TSPEAR: variants seen among roughly 807,000 people sequenced by gnomAD.
TSPEAR encodes the protein thrombospondin type laminin G domain and EAR repeats, also known as thrombospondin-type laminin G domain and EAR repeat-containing protein.
In TSPEAR, 69 loss-of-function variants were observed where a neutral mutation model predicts 71.6. That is an observed-to-expected ratio of 0.96 (90% confidence interval 0.79 to 1.18). The LOEUF (loss-of-function observed/expected upper bound fraction) is 1.18, where lower values mean the gene tolerates loss of function less well. Ranked by LOEUF, TSPEAR falls within the 50% of genes most tolerant of loss-of-function variation. The probability of loss-of-function intolerance (pLI) is 0.00; values close to 1 mark genes in which losing one functional copy is unlikely to be tolerated. For missense variants in TSPEAR, 971 were observed against 894.9 expected, an observed-to-expected ratio of 1.09 and a Z score of -1.09; for synonymous variants, 402 against 387.2, an observed-to-expected ratio of 1.04 and a Z score of -0.45.
intron 1 of TSPEAR, among the ~76,000 whole-genome samples, chr21:44,701,375 G>GT: frequency 6.6e-6 from 1 of 152,246 alleles, no homozygotes; most frequent in East Asian, 1.9e-4. Context: ...CCAGGGACCA[G>GT]TTTTGTGGTA....
In TSPEAR at chr21:44,588,712, TGATA is replaced by T. The variant is rs1235458964; in HGVS notation, c.83-20711_83-20708del. ...TATTTATATATTTATATATATAAAC[TGATA>T]TATATGTGTGTGTATATATGTATAT... On this transcript the variant is annotated intron_variant, in intron 1 of 11. Transcript: ENST00000323084. 4.1e-5 allele frequency among the ~76,000 whole-genome samples: 6 copies of T among 145,314 alleles called. No individual in the cohort carries two copies. In the East Asian group the frequency reaches 9.8e-4, roughly 24 times the overall value.
In TSPEAR at chr21:44,599,738, G is replaced by GAAATGGAGACTTAGATCA. The variant is rs1280594523; in HGVS notation, c.83-31751_83-31734dup. The stretch of plus-strand genomic sequence containing the variant: ...GGCCAATTGGATATTATTTGCAGAA[G>GAAATGGAGACTTAGATCA]AAATGGAGACTTAGATCAGATGTCT... On this transcript the variant is annotated intron_variant, in intron 1 of 11. Transcript: ENST00000323084. Among the ~76,000 whole-genome samples the GAAATGGAGACTTAGATCA allele has an allele frequency of 1.6e-4, 25 of 152,368 alleles. No individual in the cohort carries two copies. The East Asian group carries it at 3.1e-3, about 19-fold the overall frequency.
rs587686184 is a variant in TSPEAR at position 44,523,975 on chromosome 21, G to T, written c.1336+1678C>A. ...GTCAGTCAGTTCAGTAGTTAGTCAG[G>T]TAGCCAGTCATCAGTCAGGTAGTCA... On this transcript the variant is annotated intron_variant, in intron 8 of 11. Coordinates refer to ENST00000323084, the MANE Select transcript of TSPEAR (RefSeq NM_144991.3). Among the ~76,000 whole-genome samples, 867 of 150,118 alleles carry T rather than the reference G, an allele frequency of 5.8e-3. 15 individuals are homozygous for T. Among genetic ancestry groups the T allele is most frequent in the African/African-American group, 0.02 (836 of 40,838 alleles).
In TSPEAR at chr21:44,580,367, G is replaced by A. The variant is rs374095335; in HGVS notation, c.83-12362C>T. The stretch of plus-strand genomic sequence containing the variant: ...GCAGCAAGCCGGCTGGCAGCACGAG[G>A]GCGTGCAGGAGCTGGTGCAGCCTGA... On this transcript the variant is annotated intron_variant, in intron 1 of 11. Transcript: ENST00000323084. The A allele has an allele frequency of 2.8e-4, 445 of 1,613,518 alleles. No homozygotes were observed. Among genetic ancestry groups the A allele is most frequent in the Non-Finnish European group, 3.6e-4 (427 of 1,179,922 alleles).
chr21:44,681,046 G>T (rs534208162), intron 1 of TSPEAR, among the ~76,000 whole-genome samples: 1 of 152,332 alleles, frequency 6.6e-6, no homozygotes, highest in Admixed American at 6.5e-5. Context: ...TAGACAAGGT[G>T]ATGAATATCC....
chr21:44,566,661 T>C (rs1162187820), intron 2 of TSPEAR, among the ~76,000 whole-genome samples: 2 of 152,128 alleles, frequency 1.3e-5, no homozygotes, highest in Non-Finnish European at 2.9e-5. Flanking sequence ...AATATATAAA[T>C]AGACAAATGA....
chr21:44,652,361 G>A (rs1984859064), intron 1 of TSPEAR, among the ~76,000 whole-genome samples: 1 of 152,136 alleles, frequency 6.6e-6, no homozygotes, highest in Non-Finnish European at 1.5e-5. Context: ...GACTGCTCAG[G>A]GACGTCTGGA....
At chr21:44,624,001 C>T (rs782689627) in intron 1 of TSPEAR, among the ~76,000 whole-genome samples, 8 of 152,144 alleles carry the variant, frequency 5.3e-5, no homozygotes, top group Non-Finnish European at 1.0e-4. Context: ...TTTTACTACC[C>T]TTATTTTACT....
intron 1 of TSPEAR, among the ~76,000 whole-genome samples, chr21:44,640,863 G>A (rs1983983577): frequency 6.6e-6 from 1 of 152,208 alleles, no homozygotes; most frequent in South Asian, 2.1e-4. Flanking sequence ...TTTAACTGAT[G>A]GGTCGAGTTC....
intron 1 of TSPEAR, chr21:44,601,154 G>T (rs782680067): frequency 2.1e-5 from 33 of 1,602,616 alleles, no homozygotes; most frequent in Non-Finnish European, 2.5e-5. Context: ...CAGTCTAGCT[G>T]TGTGAGCTGT....
chr21:44,628,117 C>G (rs1315663681), intron 1 of TSPEAR: 1 of 1,550,316 alleles, frequency 6.5e-7, no homozygotes, highest in African/African-American at 1.4e-5. Flanking sequence ...GACCTCCCAG[C>G]CCACCCAGCC....
intron 9 of TSPEAR, 98 bp downstream of exon 9, chr21:44,521,785 C>A: frequency 8.3e-7 from 1 of 1,204,300 alleles, no homozygotes; most frequent in East Asian, 2.4e-5. Context: ...AGGTTTGGCT[C>A]TCGGTGGACC....
chr21:44,634,244 C>T (rs587697579), intron 1 of TSPEAR, among the ~76,000 whole-genome samples: 1 of 152,074 alleles, frequency 6.6e-6, no homozygotes, highest in African/African-American at 2.4e-5. Context: ...CTGAGCAATA[C>T]CCTGTCTCTG....
Position 44,711,146 on chromosome 21 carries a change from G to T in TSPEAR, c.82+287C>A, listed in dbSNP as rs1569274081. ...CGGGAGGCCCAGCAGGTAAGCACTT[G>T]TGGAGGCCCCGGTGGCTGCTGGTTA... On this transcript the variant is annotated intron_variant, in intron 1 of 11. Coordinates refer to ENST00000323084, the MANE Select transcript of TSPEAR (RefSeq NM_144991.3). The surrounding 1 kb of genome is among the most constrained non-coding windows in gnomAD (Gnocchi z 4.5). 6.6e-6 allele frequency among the ~76,000 whole-genome samples: 1 copy of T among 152,212 alleles called. No homozygotes were observed. The highest frequency in any genetic ancestry group is 1.5e-5 in the Non-Finnish European group (1 of 68,042).
chr21:44,514,373 CGTGTGCATGA>C lies in TSPEAR; in HGVS notation c.1567-4997_1567-4988del, dbSNP rs780215327. 2.1e-4 allele frequency among the ~76,000 whole-genome samples: 32 copies of C among 152,286 alleles called. 1 individual carries two copies. The highest frequency in any genetic ancestry group is 1.2e-3 in the South Asian group (6 of 4,828). On this transcript the variant is annotated intron_variant, in intron 9 of 11. Coordinates refer to ENST00000323084, the MANE Select transcript of TSPEAR (RefSeq NM_144991.3). ...ATGGCCATGGAAGCGAGTACACACA[CGTGTGCATGA>C]GTGTGCATGTACATGTGTGTTGAGC...
rs192361626 is a variant in TSPEAR at position 44,562,016 on chromosome 21, G to A, written c.303+5769C>T. On this transcript the variant is annotated intron_variant, in intron 2 of 11. Coordinates refer to ENST00000323084, the MANE Select transcript of TSPEAR (RefSeq NM_144991.3). ...CAATAGAAAGAAATAAAGAGTATTCGAATAGAAAAAGAGGAAGCCAAATTA... is the reference window on the plus strand; with the variant it reads ...CAATAGAAAGAAATAAAGAGTATTCAAATAGAAAAAGAGGAAGCCAAATTA... 5.5e-4 allele frequency among the ~76,000 whole-genome samples: 84 copies of A among 152,110 alleles called. No homozygotes were observed. The East Asian group carries it at 0.01, about 19-fold the overall frequency.
rs200497040 is a variant in TSPEAR at position 44,539,356 on chromosome 21, C to T, written c.304-5433G>A. On this transcript the variant is annotated intron_variant, in intron 2 of 11. Transcript: ENST00000323084. ...GGCAGAGGAGGGACACGCAGGAGGC[C>T]GGGCGGCAGCAGCTGGCCTGGCAGG... The T allele has an allele frequency of 1.2e-3, 1,920 of 1,612,550 alleles. 4 individuals carry two copies. Among genetic ancestry groups the T allele is most frequent in the East Asian group, 5.4e-3 (241 of 44,840 alleles).
chr21:44,558,293 G>A (rs782738211), intron 2 of TSPEAR: 3 of 1,614,154 alleles, frequency 1.9e-6, no homozygotes, highest in Non-Finnish European at 2.5e-6. Flanking sequence ...CCGGCTGGCG[G>A]CTAGACTGCT....
intron 2 of TSPEAR, among the ~76,000 whole-genome samples, chr21:44,548,232 G>A (rs1357495807): frequency 2.0e-5 from 3 of 152,196 alleles, no homozygotes; most frequent in African/African-American, 7.2e-5. Context: ...TGCTTCCCTG[G>A]CAACAGCATC....
Sources: allele counts gnomAD v4.1 joint callset (sites outside exome capture counted in the v4.1 genomes callset), GRCh38; gene constraint gnomAD v4.1.1; non-coding constraint Gnocchi (gnomAD v3.1); transcripts MANE v1.5; gene names NCBI Gene and HGNC (gene_info 2026-07-23, HGNC 2026-07-21).